Variants in CNTNAP2 observed in about 807,000 individuals in gnomAD.
The protein encoded by CNTNAP2 is contactin associated protein 2, also known as contactin-associated protein-like 2.
A neutral mutation model predicts 155.2 loss-of-function variants in CNTNAP2; 98 were observed. That is an observed-to-expected ratio of 0.63 (90% CI 0.54 to 0.75). The LOEUF is 0.75. CNTNAP2 is among the 30% of genes least tolerant of loss of function. The pLI is 0.00. For synonymous variants in CNTNAP2, 651 were observed against 631.2 expected (o/e 1.03, Z -0.47); for missense variants, 1,727 against 1,688.1 (o/e 1.02, Z -0.40).
chr7:146,389,289 T>G (rs1482690768), intron 1 of CNTNAP2, among the ~76,000 whole-genome samples: 1 of 151,950 alleles, frequency 6.6e-6, no homozygotes, highest in Non-Finnish European at 1.5e-5. Context: ...AAGAGGACTG[T>G]CCTAAAGAGG....
intron 15 of CNTNAP2, among the ~76,000 whole-genome samples, chr7:148,022,005 C>G (rs918904618): frequency 6.6e-6 from 1 of 152,096 alleles, no homozygotes; most frequent in East Asian, 1.9e-4. Context: ...GGCCACTCGA[C>G]GATGGTTTTG....
Position 146,339,739 on chromosome 7 carries a change from A to G in CNTNAP2, c.97+222766A>G, listed in dbSNP as rs143786615. 3.3e-5 allele frequency among the ~76,000 whole-genome samples: 5 copies of G among 152,300 alleles called. No homozygotes were observed. In the East Asian group the frequency reaches 9.7e-4, roughly 29 times the overall value. On this transcript the variant is annotated intron_variant, in intron 1 of 23. Transcript: ENST00000361727. ...GCCAAGAAACTCCTAGTGATATAAC[A>G]TGAAGTCTTTACTCAAGCTTTGTTT...
chr7:146,934,639 G>T (rs750538457), intron 3 of CNTNAP2, among the ~76,000 whole-genome samples: 7 of 151,978 alleles, frequency 4.6e-5, no homozygotes, highest in Non-Finnish European at 2.9e-5. Context: ...TTCAACAATG[G>T]ACATGTATTC....
intron 3 of CNTNAP2, among the ~76,000 whole-genome samples, chr7:146,907,445 G>A (rs1252090429): frequency 6.9e-5 from 10 of 144,576 alleles, no homozygotes; most frequent in African/African-American, 1.6e-4. Flanking sequence ...GACTAACAGC[G>A]GATCTCTCGG....
intron 12 of CNTNAP2, among the ~76,000 whole-genome samples, chr7:147,575,687 A>G (rs1484919604): frequency 6.6e-6 from 1 of 151,978 alleles, no homozygotes; most frequent in Non-Finnish European, 1.5e-5. Flanking sequence ...TAGTTCAAAT[A>G]CATGTTTCAA....
intron 10 of CNTNAP2, among the ~76,000 whole-genome samples, chr7:147,475,624 G>A (rs1369720292): frequency 6.6e-6 from 1 of 151,360 alleles, no homozygotes; most frequent in Non-Finnish European, 1.5e-5. Flanking sequence ...GCTATGTTTG[G>A]TCACTCAAGA....
intron 14 of CNTNAP2, among the ~76,000 whole-genome samples, chr7:147,974,940 G>A (rs1393093017): frequency 1.3e-5 from 2 of 150,670 alleles, no homozygotes; most frequent in African/African-American, 4.9e-5. Flanking sequence ...TCTTATTGTT[G>A]TATTATATTT....
chr7:146,398,504 T>A (rs1718083), intron 1 of CNTNAP2, among the ~76,000 whole-genome samples: 80,761 of 151,842 alleles, frequency 0.53, 25,251 homozygotes, highest in African/African-American at 0.87. Flanking sequence ...AGATTATGGG[T>A]ACTACAATTC....
intron 13 of CNTNAP2, among the ~76,000 whole-genome samples, chr7:147,684,626 T>A (rs1183937134): frequency 6.6e-6 from 1 of 151,832 alleles, no homozygotes; most frequent in Admixed American, 6.6e-5. Context: ...TGTCACATGA[T>A]CCTGAATTAC....
chr7:147,909,063 C>A (rs191459014), intron 14 of CNTNAP2, among the ~76,000 whole-genome samples: 26 of 152,182 alleles, frequency 1.7e-4, no homozygotes, highest in Admixed American at 1.2e-3. Flanking sequence ...TTGAATGGAA[C>A]CTTAGCTAAA....
At chr7:147,183,065 A>G (rs1802497164) in intron 8 of CNTNAP2, among the ~76,000 whole-genome samples, 1 of 152,120 alleles carries the variant, frequency 6.6e-6, no homozygotes, top group East Asian at 1.9e-4. Context: ...TTAGTGTGTC[A>G]TCTAATCATA....
chr7:146,964,115 C>T (rs1361090153), intron 3 of CNTNAP2, among the ~76,000 whole-genome samples: 1 of 152,138 alleles, frequency 6.6e-6, no homozygotes, highest in Admixed American at 6.6e-5. Flanking sequence ...ATTTGTGATC[C>T]AAATCAGAAT....
At chr7:147,067,025 G>T (rs1400996627) in intron 4 of CNTNAP2, among the ~76,000 whole-genome samples, 3 of 152,168 alleles carry the variant, frequency 2.0e-5, no homozygotes, top group Non-Finnish European at 4.4e-5. Context: ...GGGCGCATTG[G>T]CTGACGCCTG....
intron 8 of CNTNAP2, among the ~76,000 whole-genome samples, chr7:147,154,376 A>G (rs564021790): frequency 1.4e-3 from 213 of 152,312 alleles, no homozygotes; most frequent in African/African-American, 4.6e-3. Context: ...CAATGGAATG[A>G]TCCAATAGGT....
intron 1 of CNTNAP2, among the ~76,000 whole-genome samples, chr7:146,154,465 G>A (rs1299593518): frequency 6.6e-6 from 1 of 152,114 alleles, no homozygotes; most frequent in Non-Finnish European, 1.5e-5. Context: ...AAGACAGCAT[G>A]ATACAGGCAC....
rs149320499 is a variant in CNTNAP2, at chr7:146,602,589, C to T, written c.98-171682C>T. Among the ~76,000 whole-genome samples the T allele has an allele frequency of 6.5e-3, 988 of 152,234 alleles. 8 individuals are homozygous for T. Among genetic ancestry groups the T allele is most frequent in the African/African-American group, 0.023 (945 of 41,556 alleles). On this transcript the variant is annotated intron_variant, in intron 1 of 23. Coordinates refer to ENST00000361727, the MANE Select transcript of CNTNAP2 (RefSeq NM_014141.6). ...ATTTTAATGAGTCATCATTTCAAAA[C>T]TTTTGTCACATGTCAGTGTTAAATA...
intron 13 of CNTNAP2, among the ~76,000 whole-genome samples, chr7:147,733,726 G>A (rs193183529): frequency 3.4e-4 from 52 of 152,138 alleles, no homozygotes; most frequent in African/African-American, 1.1e-3. Flanking sequence ...CCTTGAAGAG[G>A]TCCTTCACAT....
intron 12 of CNTNAP2, among the ~76,000 whole-genome samples, chr7:147,576,606 A>C (rs903339848): frequency 6.6e-6 from 1 of 152,122 alleles, no homozygotes; most frequent in African/African-American, 2.4e-5. Flanking sequence ...ATGAAAAGTA[A>C]AAGGTAAAGA....
chr7:146,499,649 T>C (rs1797271468), intron 1 of CNTNAP2, among the ~76,000 whole-genome samples: 1 of 151,976 alleles, frequency 6.6e-6, no homozygotes, highest in Admixed American at 6.6e-5. Flanking sequence ...TGCCCATATA[T>C]TATCATTGTT....
Sources: allele counts gnomAD v4.1 joint callset (sites outside exome capture counted in the v4.1 genomes callset), GRCh38; gene constraint gnomAD v4.1.1; transcripts MANE v1.5; gene names NCBI Gene and HGNC (gene_info 2026-07-23, HGNC 2026-07-21).